The following CDC37 variants were observed in gnomAD, a reference collection of about 807,000 sequenced individuals.
The protein encoded by CDC37 is cell division cycle 37, HSP90 cochaperone, also known as hsp90 co-chaperone Cdc37.
Under a neutral mutation model 46.9 loss-of-function variants are expected in CDC37, and 9 were observed. The ratio of observed to expected loss-of-function variants is 0.19; its 90% CI spans 0.12 to 0.33. CDC37 has a LOEUF of 0.33. Ranked by LOEUF, CDC37 falls within the 10% of genes least tolerant of loss-of-function variation. CDC37 has a pLI of 1.00. For missense variants in CDC37, 388 were observed against 514.6 expected (o/e 0.75, Z 2.38); for synonymous variants, 193 against 191.0 (o/e 1.01, Z -0.09).
chr19:10,394,906 G>T, intron 5 of CDC37, 115 bp downstream of exon 5: 1 of 1,129,224 alleles, frequency 8.9e-7, no homozygotes, highest in Non-Finnish European at 1.2e-6. Flanking sequence ...GATCTAGGAT[G>T]CGGTGACTGG....
rs2042472141 is a variant in CDC37 at position 10,393,791 on chromosome 19, T to C, written c.727-350A>G. ...AGCCCTGTTCCTCCAGGTACGCAGG[T>C]TAAAAATCCTAGAGGCTAGGCCGGG... On this transcript the variant is annotated intron_variant, in intron 5 of 7. Transcript: ENST00000222005. The surrounding 1 kb of genome is among the most constrained non-coding windows in gnomAD (Gnocchi z 4.9). The C allele has an allele frequency of 4.4e-6, 1 of 229,866 alleles. No individual in the cohort carries two copies. The highest frequency in any genetic ancestry group is 9.0e-5 in the East Asian group (1 of 11,086). The allele number at this position is 229,866 out of a possible 1,614,324, so 14.2% of individuals were successfully genotyped here. A position where few individuals can be genotyped will look rare whatever the true frequency, so the allele number is the denominator to read the frequency against.
rs140383314 is a variant in CDC37, at chr19:10,398,693, A to ATCTC, written c.103-2494_103-2491dup. On this transcript the variant is annotated intron_variant, in intron 1 of 7. Coordinates refer to ENST00000222005, the MANE Select transcript of CDC37 (RefSeq NM_007065.4). This position sits in a 1 kb window ranked among gnomAD's most constrained non-coding sequence, Gnocchi z 4.2. ...TCATTACCATCTGTGCAAGAGAACA[A>ATCTC]TCTCTCTCTCTCTCTGGGGACCACT... 1.3e-5 allele frequency among the ~76,000 whole-genome samples: 2 copies of ATCTC among 151,610 alleles called. No homozygotes were observed. Among genetic ancestry groups the ATCTC allele is most frequent in the Non-Finnish European group, 2.9e-5 (2 of 67,836 alleles).
Position 10,395,091 on chromosome 19 carries a change from A to G in CDC37, c.656T>C (p.Ile219Thr), listed in dbSNP as rs1169909459. 3.2e-6 allele frequency: 5 copies of G among 1,568,612 alleles called. No homozygotes were observed. Among genetic ancestry groups the G allele is most frequent in the Non-Finnish European group, 4.3e-6 (5 of 1,154,444 alleles). Residue 219 changes from isoleucine (I) to threonine (T), a missense_variant, in exon 5 of 8, where the codon ATC (isoleucine) becomes ACC (threonine). Around this residue, in one of 2 missense-constraint regions of CDC37, gnomAD observed 374 missense variants for 467.4 expected, o/e 0.80. Transcript: ENST00000222005. ...CTTTAGGCTCTTGGCCAGCTCCAGGATAAATTGCATGACGATTGTCTGGTG... is the reference window on the plus strand; with the variant it reads ...CTTTAGGCTCTTGGCCAGCTCCAGGGTAAATTGCATGACGATTGTCTGGTG... ...VAHQTIVMQF[I>T]LELAKSLKVD... is the part of the protein sequence containing the mutation.
intron 5 of CDC37, among the ~76,000 whole-genome samples, chr19:10,394,619 C>T (rs1021094696): frequency 3.9e-5 from 6 of 152,126 alleles, no homozygotes; most frequent in African/African-American, 1.4e-4. Context: ...TCACAGCAAC[C>T]TCTGCCTCCC....
intron 2 of CDC37, 185 bp downstream of exon 2, chr19:10,395,743 C>T (rs562677391): frequency 4.7e-5 from 29 of 622,934 alleles, no homozygotes; most frequent in South Asian, 3.6e-4. Flanking sequence ...TTCATCCGCC[C>T]GGCCCCCCAA....
In CDC37 at chr19:10,391,341, C is replaced by G; in HGVS notation, c.*210G>C. The stretch of plus-strand genomic sequence containing the variant: ...CATAATGCTGATGGGGGGCTGCAGG[C>G]AGTGAAGCCCCTTGACTCAAAGCAG... On this transcript the variant is annotated 3_prime_UTR_variant, in exon 8 of 8. Coordinates refer to ENST00000222005, the MANE Select transcript of CDC37 (RefSeq NM_007065.4). 3.3e-6 allele frequency: 2 copies of G among 601,908 alleles called. No homozygotes were observed. Among genetic ancestry groups the G allele is most frequent in the East Asian group, 5.8e-5 (2 of 34,324 alleles). The allele number at this position is 601,908 out of a possible 1,614,324, so 37.3% of individuals were successfully genotyped here. A position where few individuals can be genotyped will look rare whatever the true frequency, so the allele number is the denominator to read the frequency against.
chr19:10,391,643 T>G lies in CDC37; in HGVS notation c.1045A>C (p.Ser349Arg). Reference sequence around the variant, plus strand: ...GCCTCCTCTCCCTCCTTGGCCTCGCTGGCCTTAGAGTTGGGGACCCAGAGG... The same window carrying G: ...GCCTCCTCTCCCTCCTTGGCCTCGCGGGCCTTAGAGTTGGGGACCCAGAGG... The part of the protein sequence containing the change: ...SGLWVPNSKA[S>R]EAKEGEEAGP... The change falls in exon 8 of 8, where the codon AGC becomes CGC. Residue 349 changes from serine (S) to arginine (R), a missense_variant. Ser to Arg is a moderately radical substitution (Grantham distance 110). This residue lies in a region of CDC37 where 374 missense variants were observed against 467.4 expected (regional missense o/e 0.80). Coordinates refer to ENST00000222005, the MANE Select transcript of CDC37 (RefSeq NM_007065.4). 6.2e-7 allele frequency: 1 copy of G among 1,614,128 alleles called. No individual in the cohort carries two copies. Among genetic ancestry groups the G allele is most frequent in the Non-Finnish European group, 8.5e-7 (1 of 1,180,004 alleles).
rs535122396 is a variant in CDC37 at position 10,399,989 on chromosome 19, C to T, written c.102+3389G>A. 3.2e-4 allele frequency among the ~76,000 whole-genome samples: 47 copies of T among 149,070 alleles called. 1 individual carries two copies. Among genetic ancestry groups the T allele is most frequent in the African/African-American group, 1.1e-3 (46 of 40,690 alleles). On this transcript the variant is annotated intron_variant, in intron 1 of 7. Coordinates refer to ENST00000222005, the MANE Select transcript of CDC37 (RefSeq NM_007065.4). ...TGGCCTCTCCAACTCCCTTTCTCCACGATGGGCCTGTGTCACCCTGGAGCC... is the reference window on the plus strand; with the variant it reads ...TGGCCTCTCCAACTCCCTTTCTCCATGATGGGCCTGTGTCACCCTGGAGCC...
At chr19:10,400,136 C>T (rs2042511324) in intron 1 of CDC37, among the ~76,000 whole-genome samples, 1 of 152,070 alleles carries the variant, frequency 6.6e-6, no homozygotes, top group East Asian at 2.0e-4. Context: ...GGCAGCCTGC[C>T]CAGCCTGGGC....
Position 10,399,931 on chromosome 19 carries a change from T to TAAAAAAAAAAAAAAAAA in CDC37, c.102+3430_102+3446dup, listed in dbSNP as rs56162717. 1.3e-3 allele frequency among the ~76,000 whole-genome samples: 62 copies of TAAAAAAAAAAAAAAAAA among 48,316 alleles called. 2 individuals carry two copies. Among genetic ancestry groups the TAAAAAAAAAAAAAAAAA allele is most frequent in the East Asian group, 2.3e-3 (2 of 858 alleles). The allele number at this position is 48,316 out of a possible 152,430, so 31.7% of individuals were successfully genotyped here. A position where few individuals can be genotyped will look rare whatever the true frequency, so the allele number is the denominator to read the frequency against. On this transcript the variant is annotated intron_variant, in intron 1 of 7. Transcript: ENST00000222005. Reference sequence around the variant, plus strand: ...TGGGCAACAGAGTGAGACTCCGTCTTAAAAAAAAAAAAAAAAAAAAAAAAA... The same window carrying TAAAAAAAAAAAAAAAAA: ...TGGGCAACAGAGTGAGACTCCGTCTTAAAAAAAAAAAAAAAAAAAAAAAAAAAAAAAAAAAAAAAAAA...
chr19:10,391,394 G>A lies in CDC37; in HGVS notation c.*157C>T, dbSNP rs2042455376. 2.5e-6 allele frequency: 2 copies of A among 806,616 alleles called. No individual in the cohort carries two copies. Among genetic ancestry groups the A allele is most frequent in the Non-Finnish European group, 4.2e-6 (2 of 475,390 alleles). 50.0% of individuals were successfully genotyped at this position (806,616 alleles called of 1,614,324 possible). ...ACTTGAATGGGCGCTGGAGAGTGGA[G>A]ACAGTGGAGAGGCCAGGGAGGGCTG... On this transcript the variant is annotated 3_prime_UTR_variant, in exon 8 of 8. Coordinates refer to ENST00000222005, the MANE Select transcript of CDC37 (RefSeq NM_007065.4).
At chr19:10,401,638 C>T (rs958387545) in intron 1 of CDC37, among the ~76,000 whole-genome samples, 5 of 152,128 alleles carry the variant, frequency 3.3e-5, no homozygotes, top group Non-Finnish European at 7.4e-5. Flanking sequence ...CAGTGGCTTG[C>T]TTGGCAGGTA....
intron 2 of CDC37, 42 bp from the exon 3 acceptor site, chr19:10,395,585 C>T (rs764523965): frequency 3.4e-6 from 5 of 1,487,200 alleles, no homozygotes; most frequent in Non-Finnish European, 4.7e-6. Flanking sequence ...GGCAAGGCTG[C>T]GGAGCGCCTC....
In CDC37 at chr19:10,393,423, T is replaced by C. The variant is rs2042469652; in HGVS notation, c.745A>G (p.Met249Val). 2 of 1,612,776 alleles carry C rather than the reference T, an allele frequency of 1.2e-6. No individual in the cohort carries two copies. Among genetic ancestry groups the C allele is most frequent in the South Asian group, 1.1e-5 (1 of 90,986 alleles). ...TKIKTADRQY[M>V]EGFNDELEAF... ...TCCAGCTCGTCGTTGAAGCCCTCCATGTACTGGCGATCGGCTGTCTATGGG... is the reference window on the plus strand; with the variant it reads ...TCCAGCTCGTCGTTGAAGCCCTCCACGTACTGGCGATCGGCTGTCTATGGG... Residue 249 changes from methionine to valine, a missense_variant, in exon 6 of 8, where the codon ATG becomes GTG. By Grantham distance (21) the Met-to-Val change is conservative. Transcript: ENST00000222005. The surrounding 1 kb of genome is among the most constrained non-coding windows in gnomAD (Gnocchi z 4.9).
chr19:10,391,473 G>A lies in CDC37; in HGVS notation c.*78C>T. ...CGCAAGTAGAGGAAGTCAGGAGCGG[G>A]CGAGATGGCATCTATCTGTTTTCTG... On this transcript the variant is annotated 3_prime_UTR_variant, in exon 8 of 8. Coordinates refer to ENST00000222005, the MANE Select transcript of CDC37 (RefSeq NM_007065.4). The A allele has an allele frequency of 6.4e-7, 1 of 1,560,622 alleles. No homozygotes were observed. The highest frequency in any genetic ancestry group is 8.8e-7 in the Non-Finnish European group (1 of 1,132,662).
intron 7 of CDC37, among the ~76,000 whole-genome samples, chr19:10,392,600 G>C (rs1402355918): frequency 1.3e-5 from 2 of 152,090 alleles, no homozygotes; most frequent in Non-Finnish European, 2.9e-5. Flanking sequence ...AGATGTCATG[G>C]TGTCAGCCTG....
rs770026413 is a variant in CDC37, at chr19:10,395,556, G to A, written c.379-13C>T. On this transcript the variant is annotated splice_polypyrimidine_tract_variant and intron_variant, in intron 2 of 7. Transcript: ENST00000222005. ...TATTTACCATGCTCTGTGGTAGGGT[G>A]AGAGGGGGAGTGGGCTGGGGCAAGG... 6.3e-7 allele frequency: 1 copy of A among 1,593,854 alleles called. No homozygotes were observed. Among genetic ancestry groups the A allele is most frequent in the African/African-American group, 1.3e-5 (1 of 74,640 alleles).
At position 10,391,407 on chromosome 19, in the gene CDC37, C is replaced by G; in HGVS notation, c.*144G>C. 1.1e-6 allele frequency: 1 copy of G among 930,194 alleles called. No individual in the cohort carries two copies. The highest frequency in any genetic ancestry group is 1.7e-6 in the Non-Finnish European group (1 of 576,394). The allele number at this position is 930,194 out of a possible 1,614,324, so 57.6% of individuals were successfully genotyped here. A position where few individuals can be genotyped will look rare whatever the true frequency, so the allele number is the denominator to read the frequency against. ...CTGGAGAGTGGAGACAGTGGAGAGG[C>G]CAGGGAGGGCTGGGCGGGCCCCCCA... On this transcript the variant is annotated 3_prime_UTR_variant, in exon 8 of 8. Coordinates refer to ENST00000222005, the MANE Select transcript of CDC37 (RefSeq NM_007065.4).
rs955834192 is a variant in CDC37, at chr19:10,403,534, G to T, written c.-55C>A. 8.8e-6 allele frequency: 12 copies of T among 1,358,582 alleles called. No individual in the cohort carries two copies. The highest frequency in any genetic ancestry group is 1.3e-5 in the Non-Finnish European group (12 of 959,458). 84.2% of individuals were successfully genotyped at this position (1,358,582 alleles called of 1,614,324 possible). On this transcript the variant is annotated 5_prime_UTR_variant, in exon 1 of 8. In the 5' UTR this introduces an upstream ATG that the reference lacks. Transcript: ENST00000222005. ...TCGGGTGGCGGCGACGGCGGCAGCA[G>T]TGGAGACTAGGAGCGCGGAGCCCCG...
Sources: allele counts gnomAD v4.1 joint callset (sites outside exome capture counted in the v4.1 genomes callset), GRCh38; gene constraint gnomAD v4.1.1; regional missense constraint gnomAD v4.1.1; non-coding constraint Gnocchi (gnomAD v3.1); transcripts MANE v1.5; gene names NCBI Gene and HGNC (gene_info 2026-07-23, HGNC 2026-07-21).